The following GRID2 variants were observed in gnomAD, a reference collection of about 807,000 sequenced individuals.
GRID2 encodes the protein glutamate ionotropic receptor delta type subunit 2.
A neutral mutation model predicts 114.8 loss-of-function variants in GRID2; 33 were observed. That is an observed-to-expected ratio of 0.29 (90% CI 0.22 to 0.38). The LOEUF is 0.38. Ranked by LOEUF, GRID2 falls within the 10% of genes least tolerant of loss-of-function variation. The probability of loss-of-function intolerance (pLI) is 1.00; values close to 1 mark genes in which losing one functional copy is unlikely to be tolerated. For synonymous variants in GRID2, 505 were observed against 449.9 expected (o/e 1.12, Z -1.55); for missense variants, 1,184 against 1,257.7 (o/e 0.94, Z 0.89).
At chr4:92,595,552 C>T (rs1728910442) in intron 2 of GRID2, among the ~76,000 whole-genome samples, 1 of 151,924 alleles carries the variant, frequency 6.6e-6, no homozygotes. Context: ...ACCCATTGCT[C>T]TTGTAAAAGG....
chr4:92,422,090 G>A (rs1259184830), intron 1 of GRID2, among the ~76,000 whole-genome samples: 1 of 152,110 alleles, frequency 6.6e-6, no homozygotes, highest in Non-Finnish European at 1.5e-5. Flanking sequence ...TAAGGTGGAT[G>A]AGGAAGACTC....
Position 92,304,363 on chromosome 4 carries a change from G to A in GRID2, c.-294G>A, listed in dbSNP as rs991875791. On this transcript the variant is annotated 5_prime_UTR_variant, in exon 1 of 16. Coordinates refer to ENST00000282020, the MANE Select transcript of GRID2 (RefSeq NM_001510.4). ...CCCCAGCCTCTCCCCCTGCCCAAGA[G>A]CAGTAGAGGCTGGATATATTTTTCA... is the stretch of plus-strand genomic sequence containing the variant. The A allele has an allele frequency of 2.3e-6, 1 of 431,124 alleles. No homozygotes were observed. Among genetic ancestry groups the A allele is most frequent in the South Asian group, 2.2e-5 (1 of 45,230 alleles). 26.7% of individuals were successfully genotyped at this position (431,124 alleles called of 1,614,324 possible).
chr4:92,347,791 C>T (rs1727847103), intron 1 of GRID2, among the ~76,000 whole-genome samples: 2 of 151,980 alleles, frequency 1.3e-5, no homozygotes, highest in African/African-American at 4.8e-5. Context: ...TTTTTCTGTT[C>T]TTTGAGATGA....
chr4:92,366,391 GTGC>G (rs980543097), intron 1 of GRID2, among the ~76,000 whole-genome samples: 1 of 151,914 alleles, frequency 6.6e-6, no homozygotes, highest in African/African-American at 2.4e-5. Flanking sequence ...AACCTATTTT[GTGC>G]TCTTCAAAAA....
At chr4:93,004,300 G>T (rs770912662) in intron 2 of GRID2, among the ~76,000 whole-genome samples, 1 of 151,398 alleles carries the variant, frequency 6.6e-6, no homozygotes, top group African/African-American at 2.4e-5. Flanking sequence ...AATCAACAAC[G>T]TGCCTATAGT....
intron 2 of GRID2, among the ~76,000 whole-genome samples, chr4:92,777,878 C>G (rs915173660): frequency 6.6e-6 from 1 of 152,066 alleles, no homozygotes; most frequent in Non-Finnish European, 1.5e-5. Flanking sequence ...AAATACATTT[C>G]TATTGTTTGA....
intron 2 of GRID2, among the ~76,000 whole-genome samples, chr4:92,970,854 T>C (rs1284981143): frequency 2.0e-5 from 3 of 151,980 alleles, no homozygotes; most frequent in East Asian, 1.9e-4. Flanking sequence ...GCTTTTGACA[T>C]TGATAAAGTA....
chr4:92,698,046 A>G (rs2149298798), intron 2 of GRID2, among the ~76,000 whole-genome samples: 1 of 152,264 alleles, frequency 6.6e-6, no homozygotes, highest in African/African-American at 2.4e-5. Context: ...TTACTGTGTA[A>G]AGAAATGCAT....
At chr4:92,875,368 G>T (rs1745558190) in intron 2 of GRID2, among the ~76,000 whole-genome samples, 1 of 151,960 alleles carries the variant, frequency 6.6e-6, no homozygotes, top group African/African-American at 2.4e-5. Context: ...GTTTCATTAT[G>T]TTGGCCAGAC....
At chr4:93,072,025 T>C (rs1728852964) in intron 2 of GRID2, among the ~76,000 whole-genome samples, 1 of 151,932 alleles carries the variant, frequency 6.6e-6, no homozygotes, top group Non-Finnish European at 1.5e-5. Context: ...CAATGTCAAA[T>C]CCAGAAGACT....
intron 1 of GRID2, among the ~76,000 whole-genome samples, chr4:92,450,333 A>T (rs1720835175): frequency 6.6e-6 from 1 of 152,086 alleles, no homozygotes; most frequent in Non-Finnish European, 1.5e-5. Flanking sequence ...TGCCTTTAGG[A>T]TTGCCAAAAG....
intron 14 of GRID2, among the ~76,000 whole-genome samples, chr4:93,704,977 G>A (rs1476122295): frequency 1.3e-5 from 2 of 152,066 alleles, no homozygotes; most frequent in Non-Finnish European, 2.9e-5. Context: ...CTAGGAGTGG[G>A]GTGGCTGGAT....
intron 2 of GRID2, among the ~76,000 whole-genome samples, chr4:92,889,315 G>A (rs1746581416): frequency 6.6e-6 from 1 of 152,134 alleles, no homozygotes; most frequent in Admixed American, 6.5e-5. Flanking sequence ...TAGGAAGAGA[G>A]GAAGTCAAAT....
intron 9 of GRID2, among the ~76,000 whole-genome samples, chr4:93,400,526 A>G (rs930169367): frequency 3.3e-5 from 5 of 152,108 alleles, no homozygotes; most frequent in Non-Finnish European, 7.4e-5. Context: ...AAGTCATTCA[A>G]TTGTTTTCAT....
chr4:92,986,778 ATAATT>A (rs1280409978), intron 2 of GRID2, among the ~76,000 whole-genome samples: 3 of 152,196 alleles, frequency 2.0e-5, no homozygotes, highest in African/African-American at 7.2e-5. Context: ...TAACAATAAA[ATAATT>A]TATATTTTTA....
At chr4:93,482,562 A>G (rs907438332) in intron 11 of GRID2, among the ~76,000 whole-genome samples, 3 of 151,988 alleles carry the variant, frequency 2.0e-5, no homozygotes, top group African/African-American at 4.8e-5. Context: ...AAGGGAGAGC[A>G]TTAGGACATA....
At chr4:92,964,099 T>C (rs1344644744) in intron 2 of GRID2, among the ~76,000 whole-genome samples, 1 of 151,962 alleles carries the variant, frequency 6.6e-6, no homozygotes, top group Non-Finnish European at 1.5e-5. Context: ...GTTCCATTAA[T>C]AGGACACAGG....
Position 92,628,427 on chromosome 4 carries a change from C to T in GRID2, c.244+38141C>T, listed in dbSNP as rs756806889. Reference sequence around the variant, plus strand: ...GGACTGGAGTGCAGTGGTGCGATCTCGGCTCACTACAACCTCCACCTCCCA... The same window carrying T: ...GGACTGGAGTGCAGTGGTGCGATCTTGGCTCACTACAACCTCCACCTCCCA... On this transcript the variant is annotated intron_variant, in intron 2 of 15. Coordinates refer to ENST00000282020, the MANE Select transcript of GRID2 (RefSeq NM_001510.4). Among the ~76,000 whole-genome samples, 4 of 152,072 alleles carry T rather than the reference C, an allele frequency of 2.6e-5. No individual in the cohort carries two copies. The South Asian group carries it at 6.2e-4, about 24-fold the overall frequency.
At chr4:93,396,624 G>A (rs1446080045) in intron 9 of GRID2, among the ~76,000 whole-genome samples, 1 of 151,948 alleles carries the variant, frequency 6.6e-6, no homozygotes, top group Non-Finnish European at 1.5e-5. Flanking sequence ...CGAAACTGGT[G>A]AAAGAGCAAC....
Sources: allele counts gnomAD v4.1 joint callset (sites outside exome capture counted in the v4.1 genomes callset), GRCh38; gene constraint gnomAD v4.1.1; transcripts MANE v1.5; gene names NCBI Gene and HGNC (gene_info 2026-07-23, HGNC 2026-07-21).